Variants in PPFIBP1 observed in about 807,000 individuals in gnomAD.
PPFIBP1 encodes the protein PPFIB scaffold protein 1, also known as liprin-beta-1.
In PPFIBP1, 112 loss-of-function variants were observed where a neutral mutation model predicts 137.8. The observed-to-expected ratio is 0.81, with a 90% CI of 0.70 to 0.95. The LOEUF is 0.95. PPFIBP1 is among the 40% of genes least tolerant of loss of function. The pLI is 0.00. For missense variants in PPFIBP1, 1,083 were observed against 1,196.6 expected, an observed-to-expected ratio of 0.91 and a Z score of 1.40; for synonymous variants, 378 against 417.3, an observed-to-expected ratio of 0.91 and a Z score of 1.15.
intron 6 of PPFIBP1, among the ~76,000 whole-genome samples, chr12:27,648,834 G>A (rs2058702238): frequency 1.3e-5 from 2 of 150,966 alleles, no homozygotes; most frequent in South Asian, 4.2e-4. Flanking sequence ...TAGAGGGGTG[G>A]TTACCATAGG....
intron 2 of PPFIBP1, among the ~76,000 whole-genome samples, chr12:27,613,462 G>C (rs1227517285): frequency 1.3e-5 from 2 of 152,164 alleles, no homozygotes; most frequent in Non-Finnish European, 2.9e-5. Context: ...CCAGCACTTT[G>C]GGAGACCAAG....
intron 1 of PPFIBP1, among the ~76,000 whole-genome samples, chr12:27,532,459 ATT>A (rs56200812): frequency 0.17 from 24,599 of 144,286 alleles, 2,225 homozygotes; most frequent in Middle Eastern, 0.28. Flanking sequence ...GGAACTTTGT[ATT>A]TTTTTTTTTT....
intron 2 of PPFIBP1, among the ~76,000 whole-genome samples, chr12:27,579,188 C>A (rs149210628): frequency 6.6e-6 from 1 of 152,216 alleles, no homozygotes; most frequent in East Asian, 1.9e-4. Flanking sequence ...CCAGTCCTTT[C>A]AGGAATTTCC....
chr12:27,609,986 C>A (rs187222306), intron 2 of PPFIBP1, among the ~76,000 whole-genome samples: 11 of 152,106 alleles, frequency 7.2e-5, no homozygotes, highest in African/African-American at 1.9e-4. Flanking sequence ...TTGTCCTTAG[C>A]GAGCCTGTGC....
At chr12:27,564,722 T>G (rs543651121) in intron 1 of PPFIBP1, among the ~76,000 whole-genome samples, 1 of 152,302 alleles carries the variant, frequency 6.6e-6, no homozygotes, top group Non-Finnish European at 1.5e-5. Flanking sequence ...GGGAAAACTT[T>G]CTCATCTTGC....
At chr12:27,684,194 C>T (rs1042974418) in intron 24 of PPFIBP1, among the ~76,000 whole-genome samples, 2 of 152,118 alleles carry the variant, frequency 1.3e-5, no homozygotes, top group African/African-American at 4.8e-5. Flanking sequence ...TGGCAACCTC[C>T]ACCTCCCAGG....
chr12:27,564,199 C>T (rs895100398), intron 1 of PPFIBP1, among the ~76,000 whole-genome samples: 2 of 152,270 alleles, frequency 1.3e-5, no homozygotes, highest in South Asian at 2.1e-4. Flanking sequence ...TGAATTCAAC[C>T]TGTGAGACAG....
At chr12:27,655,247 G>A (rs1439012907) in intron 8 of PPFIBP1, 229 of 1,492,106 alleles carry the variant, frequency 1.5e-4, no homozygotes, top group Non-Finnish European at 1.9e-4. Flanking sequence ...TGTAGTAGAC[G>A]TTGGGTGATG....
intron 6 of PPFIBP1, among the ~76,000 whole-genome samples, chr12:27,648,491 C>T (rs927348599): frequency 6.6e-6 from 1 of 152,156 alleles, no homozygotes; most frequent in Non-Finnish European, 1.5e-5. Context: ...AGCAATGCCA[C>T]TGCTGGATAT....
At chr12:27,613,118 C>T (rs2055338701) in intron 2 of PPFIBP1, among the ~76,000 whole-genome samples, 1 of 152,144 alleles carries the variant, frequency 6.6e-6, no homozygotes, top group Non-Finnish European at 1.5e-5. Flanking sequence ...AATTTCAGTG[C>T]CAAAGACCAA....
intron 2 of PPFIBP1, among the ~76,000 whole-genome samples, chr12:27,614,476 G>T (rs1005092324): frequency 5.3e-5 from 8 of 152,212 alleles, no homozygotes; most frequent in African/African-American, 1.9e-4. Flanking sequence ...AAAACTTGGT[G>T]AGCTCCTGAA....
intron 12 of PPFIBP1, among the ~76,000 whole-genome samples, chr12:27,664,921 C>T (rs2059770414): frequency 6.6e-6 from 1 of 152,122 alleles, no homozygotes; most frequent in African/African-American, 2.4e-5. Context: ...GGCGTGGTGG[C>T]CTACGGCTGT....
At chr12:27,676,873 C>A in intron 18 of PPFIBP1, 191 bp from the exon 19 acceptor site, 1 of 790,362 alleles carries the variant, frequency 1.3e-6, no homozygotes, top group South Asian at 1.5e-5. Flanking sequence ...AGTTTCCCAT[C>A]TGTTGTGATA....
intron 22 of PPFIBP1, among the ~76,000 whole-genome samples, 175 bp downstream of exon 22, chr12:27,681,871 C>T (rs2060895218): frequency 6.6e-6 from 1 of 152,006 alleles, no homozygotes; most frequent in Admixed American, 6.6e-5. Context: ...TTGGGAGGAC[C>T]TGGTCTTGAT....
Position 27,679,510 on chromosome 12 carries a change from C to A in PPFIBP1, c.1637C>A (p.Ala546Glu), listed in dbSNP as rs967069483. The A allele has an allele frequency of 1.2e-6, 2 of 1,613,566 alleles. No individual in the cohort carries two copies. The highest frequency in any genetic ancestry group is 2.2e-5 in the South Asian group (2 of 90,946). ...PTLAETEKET[A>E]EHLDLAGASS... ...GTAGCTGAAACAGAAAAAGAGACAG[C>A]AGAGCACCTAGATCTGGCTGGTGCT... Residue 546 changes from alanine (A) to glutamate (E), a missense_variant, in exon 20 of 30, where the codon GCA (alanine) becomes GAA (glutamate). Coordinates refer to ENST00000228425, the MANE Select transcript of PPFIBP1 (RefSeq NM_003622.4).
intron 2 of PPFIBP1, among the ~76,000 whole-genome samples, chr12:27,601,054 G>A (rs1462894015): frequency 1.3e-5 from 2 of 152,126 alleles, no homozygotes; most frequent in East Asian, 1.9e-4. Context: ...ATGCAGTAGA[G>A]CACCAGACTT....
chr12:27,587,005 C>G (rs2051843083), intron 2 of PPFIBP1, among the ~76,000 whole-genome samples: 2 of 152,138 alleles, frequency 1.3e-5, no homozygotes, highest in African/African-American at 4.8e-5. Context: ...CCGCATTCGG[C>G]AAAAATTATT....
At chr12:27,594,174 ATTTTTTTTTT>A (rs35066032) in intron 2 of PPFIBP1, 1 of 139,264 alleles carries the variant, frequency 7.2e-6, no homozygotes. Context: ...CCCCTTTTCT[ATTTTTTTTTT>A]TTTTTTTTTT....
chr12:27,539,907 T>C (rs1945464448), intron 1 of PPFIBP1, among the ~76,000 whole-genome samples: 1 of 152,216 alleles, frequency 6.6e-6, no homozygotes, highest in Non-Finnish European at 1.5e-5. Flanking sequence ...TATGTAATTT[T>C]GTGTCCCACT....
Sources: allele counts gnomAD v4.1 joint callset (sites outside exome capture counted in the v4.1 genomes callset), GRCh38; gene constraint gnomAD v4.1.1; transcripts MANE v1.5; gene names NCBI Gene and HGNC (gene_info 2026-07-23, HGNC 2026-07-21).